NSMCE2: variants seen among roughly 807,000 people sequenced by gnomAD.
NSMCE2 encodes the protein NSE2 SUMO ligase component of SMC5/6 complex, also known as E3 SUMO-protein ligase NSE2.
In NSMCE2, 24 loss-of-function variants were observed where a neutral mutation model predicts 23.8. That is an observed-to-expected ratio of 1.01 (90% confidence interval 0.73 to 1.42). NSMCE2 has a LOEUF of 1.42. NSMCE2 is among the 40% of genes most tolerant of loss of function. NSMCE2 has a pLI of 0.00. For synonymous variants in NSMCE2, 92 were observed against 94.1 expected (o/e 0.98, Z 0.13); for missense variants, 284 against 296.5 (o/e 0.96, Z 0.31).
intron 4 of NSMCE2, among the ~76,000 whole-genome samples, chr8:125,162,654 G>A (rs1821686698): frequency 6.6e-6 from 1 of 152,046 alleles, no homozygotes; most frequent in Admixed American, 6.5e-5. Context: ...TACTTGGGAG[G>A]TAAGAGTGCT....
At chr8:125,135,442 A>G (rs890076354) in intron 3 of NSMCE2, among the ~76,000 whole-genome samples, 1 of 152,164 alleles carries the variant, frequency 6.6e-6, no homozygotes, top group African/African-American at 2.4e-5. Flanking sequence ...TTGCTCTTGT[A>G]TCTAAGAAAT....
At chr8:125,235,543 G>GTT (rs1031308327) in intron 5 of NSMCE2, among the ~76,000 whole-genome samples, 1 of 152,026 alleles carries the variant, frequency 6.6e-6, no homozygotes, top group Non-Finnish European at 1.5e-5. Context: ...TACACGAGAG[G>GTT]TTATATATAG....
chr8:125,267,910 G>A (rs2131074310), intron 5 of NSMCE2, among the ~76,000 whole-genome samples: 1 of 152,194 alleles, frequency 6.6e-6, no homozygotes, highest in Admixed American at 6.5e-5. Flanking sequence ...AGAAAGCAGA[G>A]AGAGTACTTA....
At chr8:125,163,149 T>A (rs1440019737) in intron 4 of NSMCE2, among the ~76,000 whole-genome samples, 1 of 152,164 alleles carries the variant, frequency 6.6e-6, no homozygotes, top group African/African-American at 2.4e-5. Flanking sequence ...GGAGGATCGC[T>A]TGAGCCCAGG....
intron 5 of NSMCE2, among the ~76,000 whole-genome samples, chr8:125,309,431 G>A (rs750539285): frequency 4.6e-5 from 7 of 151,848 alleles, no homozygotes; most frequent in Non-Finnish European, 1.0e-4. Flanking sequence ...CCATAGAAGT[G>A]TTTTATTAAG....
chr8:125,219,950 G>A (rs1034590789), intron 5 of NSMCE2, among the ~76,000 whole-genome samples: 1 of 152,110 alleles, frequency 6.6e-6, no homozygotes, highest in Non-Finnish European at 1.5e-5. Flanking sequence ...GGCATACAAC[G>A]TAGCCTGCCT....
At chr8:125,188,545 G>C (rs1370557785) in intron 5 of NSMCE2, among the ~76,000 whole-genome samples, 1 of 152,176 alleles carries the variant, frequency 6.6e-6, no homozygotes, top group Non-Finnish European at 1.5e-5. Flanking sequence ...TAAGTTACTA[G>C]ATTTTTCTGT....
At chr8:125,206,820 G>A (rs1032636656) in intron 5 of NSMCE2, among the ~76,000 whole-genome samples, 2 of 152,136 alleles carry the variant, frequency 1.3e-5, no homozygotes, top group African/African-American at 4.8e-5. Flanking sequence ...TAAAGAGAGG[G>A]GGAGAAAGGC....
rs1370953574 is a variant in NSMCE2, at chr8:125,328,100, T to A, written c.419-29119T>A. 2.0e-5 allele frequency among the ~76,000 whole-genome samples: 3 copies of A among 152,100 alleles called. No homozygotes were observed. The East Asian group carries it at 5.8e-4, about 29-fold the overall frequency. On this transcript the variant is annotated intron_variant, in intron 5 of 7. Transcript: ENST00000287437. The stretch of plus-strand genomic sequence containing the variant: ...AAATAGTACTGGCCATTTTTCCAGG[T>A]TGTATAGTCACTTTTAAGAGGCAGG...
intron 7 of NSMCE2, 54 bp downstream of exon 7, chr8:125,357,872 G>A: frequency 7.9e-7 from 1 of 1,269,118 alleles, no homozygotes; most frequent in Non-Finnish European, 1.2e-6. Flanking sequence ...GTTACTCAGA[G>A]GTGGCGTGTT....
intron 5 of NSMCE2, among the ~76,000 whole-genome samples, chr8:125,196,415 C>T (rs1456049963): frequency 6.6e-6 from 1 of 152,114 alleles, no homozygotes; most frequent in Non-Finnish European, 1.5e-5. Context: ...CAAGTGTTCT[C>T]ATTGCTCAAT....
At chr8:125,129,573 TG>T (rs1176135321) in intron 3 of NSMCE2, among the ~76,000 whole-genome samples, 1 of 150,872 alleles carries the variant, frequency 6.6e-6, no homozygotes. Flanking sequence ...TGTGTGTGTG[TG>T]TGTGTCTGTG....
At chr8:125,131,096 TAC>T (rs929011354) in intron 3 of NSMCE2, among the ~76,000 whole-genome samples, 1 of 152,214 alleles carries the variant, frequency 6.6e-6, no homozygotes, top group Non-Finnish European at 1.5e-5. Context: ...GCATTTGCAA[TAC>T]AGTTACATTG....
chr8:125,221,565 A>T (rs1027482769), intron 5 of NSMCE2, among the ~76,000 whole-genome samples: 1 of 152,228 alleles, frequency 6.6e-6, no homozygotes, highest in South Asian at 2.1e-4. Context: ...ATCCATAGAC[A>T]TATTATAGGT....
chr8:125,257,596 C>T (rs1000747069), intron 5 of NSMCE2, among the ~76,000 whole-genome samples: 3 of 138,388 alleles, frequency 2.2e-5, no homozygotes, highest in African/African-American at 5.6e-5. Flanking sequence ...TGCAGTGGCG[C>T]GATCTCAGCT....
chr8:125,249,518 A>G (rs1826122133), intron 5 of NSMCE2, among the ~76,000 whole-genome samples: 3 of 152,236 alleles, frequency 2.0e-5, no homozygotes. Context: ...AATTTTGGGC[A>G]AAACATTTCT....
intron 5 of NSMCE2, among the ~76,000 whole-genome samples, chr8:125,226,840 C>T (rs1825118061): frequency 6.6e-6 from 1 of 152,094 alleles, no homozygotes; most frequent in African/African-American, 2.4e-5. Context: ...CTGGCTATTT[C>T]TGCTTTCTCC....
At chr8:125,347,342 C>T (rs1378353826) in intron 5 of NSMCE2, among the ~76,000 whole-genome samples, 1 of 152,154 alleles carries the variant, frequency 6.6e-6, no homozygotes, top group Non-Finnish European at 1.5e-5. Flanking sequence ...TATCACACCT[C>T]CCTGGAGAGC....
chr8:125,243,583 A>G (rs570722441), intron 5 of NSMCE2, among the ~76,000 whole-genome samples: 26 of 152,268 alleles, frequency 1.7e-4, no homozygotes, highest in Middle Eastern at 3.4e-3. Context: ...CAAGAATCAT[A>G]TCTCAATGTT....
Sources: gnomAD v4.1 joint callset for allele counts (sites outside exome capture counted in the v4.1 genomes callset) on GRCh38, gnomAD v4.1.1 for gene constraint, MANE v1.5 for transcripts, NCBI Gene and HGNC (gene_info 2026-07-23, HGNC 2026-07-21) for gene names.